The following ETFDH variants were observed in gnomAD, a reference collection of about 807,000 sequenced individuals.
ETFDH encodes the protein electron transfer flavoprotein-ubiquinone oxidoreductase, mitochondrial.
A neutral mutation model predicts 73.2 loss-of-function variants in ETFDH; 61 were observed. The ratio of observed to expected loss-of-function variants is 0.83; its 90% CI spans 0.68 to 1.03. The LOEUF (loss-of-function observed/expected upper bound fraction) is 1.03. Ranked by LOEUF, ETFDH falls within the 50% of genes least tolerant of loss-of-function variation. The pLI, the probability that ETFDH is intolerant of heterozygous loss-of-function variation, is 0.00. For synonymous variants in ETFDH, 243 were observed against 253.3 expected, an observed-to-expected ratio of 0.96 and a Z score of 0.39; for missense variants, 685 against 745.0, an observed-to-expected ratio of 0.92 and a Z score of 0.94.
intron 1 of ETFDH, among the ~76,000 whole-genome samples, chr4:158,674,424 GC>G: frequency 6.6e-6 from 1 of 152,080 alleles, no homozygotes; most frequent in Non-Finnish European, 1.5e-5. Context: ...TCGTGCCTGA[GC>G]TTCCGTAGTA....
At chr4:158,707,509 A>G (rs1774660407) in intron 12 of ETFDH, among the ~76,000 whole-genome samples, 1 of 151,150 alleles carries the variant, frequency 6.6e-6, no homozygotes, top group South Asian at 2.1e-4. Context: ...TTCCAGAAAC[A>G]AATAATTCTT....
chr4:158,703,894 C>G (rs566278287), intron 10 of ETFDH, among the ~76,000 whole-genome samples: 1 of 152,070 alleles, frequency 6.6e-6, no homozygotes, highest in African/African-American at 2.4e-5. Flanking sequence ...GTCAGGAGCT[C>G]GAGACTAGCC....
intron 1 of ETFDH, among the ~76,000 whole-genome samples, chr4:158,677,947 AT>A (rs751659878): frequency 3.9e-5 from 6 of 152,204 alleles, no homozygotes; most frequent in Non-Finnish European, 7.3e-5. Context: ...AAAGAGTTTT[AT>A]GGTTTTAGCA....
At position 158,706,256 on chromosome 4, in the gene ETFDH, T is replaced by G; in HGVS notation, c.1353T>G (p.Val451=). 6.2e-7 allele frequency: 1 copy of G among 1,611,136 alleles called. No individual in the cohort carries two copies. The highest frequency in any genetic ancestry group is 8.5e-7 in the Non-Finnish European group (1 of 1,177,204). ...NSWVWKELYS[V]RNIRPSCHGV... is the part of the protein sequence containing the mutation. ...GGGTATGGAAAGAGCTATATTCTGTTAGAAATATAAGACCGTCCTGCCACG... is the reference window on the plus strand; with the variant it reads ...GGGTATGGAAAGAGCTATATTCTGTGAGAAATATAAGACCGTCCTGCCACG... Residue 451 remains valine (V), a synonymous_variant, in exon 11 of 13, where the codon GTT becomes GTG. Coordinates refer to ENST00000511912, the MANE Select transcript of ETFDH (RefSeq NM_004453.4).
chr4:158,674,242 T>C (rs539839767), intron 1 of ETFDH, among the ~76,000 whole-genome samples: 11 of 152,328 alleles, frequency 7.2e-5, no homozygotes, highest in African/African-American at 2.6e-4. Context: ...ACTTTTTTTT[T>C]TCCAAAATTG....
chr4:158,693,454 C>T (rs1422607679), intron 6 of ETFDH, among the ~76,000 whole-genome samples: 3 of 152,110 alleles, frequency 2.0e-5, no homozygotes, highest in Non-Finnish European at 2.9e-5. Context: ...TGTGGCTCCA[C>T]GGCCTGTCCC....
chr4:158,672,449 C>G lies in ETFDH; in HGVS notation c.-8C>G. 6.2e-7 allele frequency: 1 copy of G among 1,614,146 alleles called. No homozygotes were observed. Among genetic ancestry groups the G allele is most frequent in the East Asian group, 2.2e-5 (1 of 44,884 alleles). ...TGTGTCCGACCGAGAGTCCTGGTGA[C>G]TTTGAACATGCTGGTGCCGCTAGCC... On this transcript the variant is annotated 5_prime_UTR_variant, in exon 1 of 13. Coordinates refer to ENST00000511912, the MANE Select transcript of ETFDH (RefSeq NM_004453.4).
chr4:158,676,931 T>C (rs759547759), intron 1 of ETFDH, among the ~76,000 whole-genome samples: 1 of 152,160 alleles, frequency 6.6e-6, no homozygotes, highest in African/African-American at 2.4e-5. Flanking sequence ...GATATAAGAG[T>C]TCTTTCTGTA....
intron 5 of ETFDH, among the ~76,000 whole-genome samples, chr4:158,688,173 C>A (rs550343954): frequency 1.3e-5 from 2 of 152,240 alleles, no homozygotes; most frequent in East Asian, 3.9e-4. Flanking sequence ...GTGGGCGGAT[C>A]ACGAGGTCAA....
intron 5 of ETFDH, among the ~76,000 whole-genome samples, chr4:158,687,828 C>G (rs374685153): frequency 6.6e-6 from 1 of 152,066 alleles, no homozygotes; most frequent in Non-Finnish European, 1.5e-5. Flanking sequence ...GTCACGAGGT[C>G]AGGAGATCAA....
intron 12 of ETFDH, 31 bp downstream of exon 12, chr4:158,706,881 G>C: frequency 1.4e-6 from 2 of 1,383,886 alleles, no homozygotes; most frequent in Non-Finnish European, 2.1e-6. Context: ...CTAAATATTT[G>C]CTTTAAACAT....
chr4:158,674,826 A>C (rs368571664), intron 1 of ETFDH, among the ~76,000 whole-genome samples: 1 of 152,216 alleles, frequency 6.6e-6, no homozygotes, highest in Non-Finnish European at 1.5e-5. Flanking sequence ...GGAGCATGCT[A>C]TCTGCTGGAG....
intron 3 of ETFDH, 118 bp from the exon 4 acceptor site, chr4:158,684,469 CAAAAG>C: frequency 3.3e-6 from 2 of 609,944 alleles, no homozygotes; most frequent in Non-Finnish European, 5.9e-6. Flanking sequence ...AAGGAAATGC[CAAAAG>C]AAAATTAGGG....
chr4:158,694,526 G>A (rs955411813), intron 6 of ETFDH, among the ~76,000 whole-genome samples: 6 of 151,746 alleles, frequency 4.0e-5, no homozygotes, highest in East Asian at 1.9e-4. Context: ...CCCTGGAGGC[G>A]GAGGTTGCAG....
intron 3 of ETFDH, among the ~76,000 whole-genome samples, chr4:158,683,630 A>T (rs1470306833): frequency 6.6e-6 from 1 of 152,106 alleles, no homozygotes; most frequent in Non-Finnish European, 1.5e-5. Flanking sequence ...CCCAGGCTGG[A>T]GTACAGTGGC....
chr4:158,694,776 C>G (rs1014230868), intron 6 of ETFDH, among the ~76,000 whole-genome samples: 2 of 151,868 alleles, frequency 1.3e-5, no homozygotes, highest in Non-Finnish European at 2.9e-5. Flanking sequence ...ATGATAATAT[C>G]AATTTTAAAA....
chr4:158,690,203 T>C, intron 5 of ETFDH, 145 bp from the exon 6 acceptor site: 3 of 632,832 alleles, frequency 4.7e-6, no homozygotes, highest in Non-Finnish European at 8.5e-6. Context: ...TACATGTCTC[T>C]TTATTACCTG....
In ETFDH at chr4:158,697,549, T is replaced by G. The variant is rs200911913; in HGVS notation, c.832-10T>G. 1.0e-3 allele frequency: 1,649 copies of G among 1,608,598 alleles called. 4 individuals carry two copies. Among genetic ancestry groups the G allele is most frequent in the Non-Finnish European group, 1.3e-3 (1,559 of 1,178,666 alleles). On this transcript the variant is annotated splice_polypyrimidine_tract_variant and intron_variant, in intron 7 of 12. Coordinates refer to ENST00000511912, the MANE Select transcript of ETFDH (RefSeq NM_004453.4). ...TGCAGGACTTTTTTGTTTGCTTTTT[T>G]TTTTTTTAGTTATGGGTTATTGATG...
At chr4:158,700,947 G>A (rs1217021190) in intron 9 of ETFDH, 2 of 152,174 alleles carry the variant, frequency 1.3e-5, no homozygotes, top group Non-Finnish European at 2.9e-5. Context: ...GCAACAATTC[G>A]AAACATTCAG....
Sources: allele counts gnomAD v4.1 joint callset (sites outside exome capture counted in the v4.1 genomes callset), GRCh38; gene constraint gnomAD v4.1.1; transcripts MANE v1.5; gene names NCBI Gene and HGNC (gene_info 2026-07-23, HGNC 2026-07-21).